Variants in DPP10 observed in about 807,000 individuals in gnomAD.
The protein encoded by DPP10 is inactive dipeptidyl peptidase 10.
In DPP10, 33 loss-of-function variants were observed where a neutral mutation model predicts 120.9. That is an observed-to-expected ratio of 0.27 (90% CI 0.21 to 0.37). The LOEUF (loss-of-function observed/expected upper bound fraction) is 0.37, where lower values mean the gene tolerates loss of function less well. DPP10 is among the 10% of genes least tolerant of loss of function. The pLI, the probability that DPP10 is intolerant of heterozygous loss-of-function variation, is 1.00. For synonymous variants in DPP10, 337 were observed against 326.1 expected (o/e 1.03, Z -0.36); for missense variants, 816 against 942.8 (o/e 0.87, Z 1.76).
At chr2:115,767,783 G>A (rs572784279) in intron 12 of DPP10, among the ~76,000 whole-genome samples, 1 of 151,926 alleles carries the variant, frequency 6.6e-6, no homozygotes, top group African/African-American at 2.4e-5. Flanking sequence ...TTTCAATTTC[G>A]TGGCCTGTCG....
intron 5 of DPP10, among the ~76,000 whole-genome samples, chr2:115,533,709 A>G (rs2078615807): frequency 6.6e-6 from 1 of 152,052 alleles, no homozygotes; most frequent in South Asian, 2.1e-4. Flanking sequence ...TTCAAAAAAT[A>G]CAAACTCAAA....
At chr2:114,997,115 T>A (rs1471503922) in intron 1 of DPP10, among the ~76,000 whole-genome samples, 1 of 151,550 alleles carries the variant, frequency 6.6e-6, no homozygotes, top group African/African-American at 2.4e-5. Flanking sequence ...GTTATTCCAA[T>A]ATAAAAAGGG....
chr2:115,162,097 C>A, intron 1 of DPP10: 2 of 1,502,468 alleles, frequency 1.3e-6, no homozygotes, highest in Admixed American at 4.3e-5. Flanking sequence ...CGCCCGCCTC[C>A]CGCTTCCCAG....
At chr2:115,497,036 C>G (rs1021545221) in intron 3 of DPP10, among the ~76,000 whole-genome samples, 8 of 152,012 alleles carry the variant, frequency 5.3e-5, no homozygotes, top group African/African-American at 1.9e-4. Context: ...GTCTGAAAAT[C>G]ATCTCAGAAG....
intron 5 of DPP10, among the ~76,000 whole-genome samples, chr2:115,585,344 T>C (rs1366375008): frequency 6.6e-6 from 1 of 152,186 alleles, no homozygotes; most frequent in Non-Finnish European, 1.5e-5. Context: ...GATAATGGCA[T>C]GTTGAAGACA....
intron 5 of DPP10, among the ~76,000 whole-genome samples, chr2:115,656,431 C>G (rs1214333090): frequency 6.6e-6 from 1 of 151,416 alleles, no homozygotes; most frequent in Non-Finnish European, 1.5e-5. Flanking sequence ...CAGAATATCA[C>G]TAATGTTTTA....
chr2:115,826,607 G>C (rs111328663), intron 21 of DPP10, among the ~76,000 whole-genome samples: 5,292 of 152,242 alleles, frequency 0.035, 318 homozygotes, highest in African/African-American at 0.12. Context: ...TGTAATCCCA[G>C]CTACTTGGAA....
intron 3 of DPP10, among the ~76,000 whole-genome samples, chr2:115,439,617 G>T (rs1322538969): frequency 2.6e-5 from 4 of 152,154 alleles, no homozygotes; most frequent in African/African-American, 9.7e-5. Context: ...AAGATGGATA[G>T]TAGGTTATTT....
At chr2:115,348,799 CCTTT>C (rs2063842951) in intron 3 of DPP10, among the ~76,000 whole-genome samples, 1 of 152,084 alleles carries the variant, frequency 6.6e-6, no homozygotes, top group Admixed American at 6.6e-5. Context: ...GCTAGTGTGT[CCTTT>C]ACTCACCCCA....
At chr2:115,283,036 T>C (rs1049639066) in intron 1 of DPP10, among the ~76,000 whole-genome samples, 3 of 152,076 alleles carry the variant, frequency 2.0e-5, no homozygotes, top group Non-Finnish European at 4.4e-5. Flanking sequence ...ATTCCATTTA[T>C]GTATCATTCT....
chr2:115,637,975 G>A (rs936019396), intron 5 of DPP10, among the ~76,000 whole-genome samples: 3 of 152,214 alleles, frequency 2.0e-5, no homozygotes, highest in African/African-American at 4.8e-5. Flanking sequence ...TAGAAGAAGA[G>A]CCAGAGATCT....
chr2:115,040,005 A>AC (rs1007506135), intron 1 of DPP10, among the ~76,000 whole-genome samples: 1 of 152,268 alleles, frequency 6.6e-6, no homozygotes, highest in Non-Finnish European at 1.5e-5. Context: ...TCAAAAACAA[A>AC]CCACTGGGAA....
chr2:115,315,327 A>G (rs1208144936), intron 2 of DPP10, among the ~76,000 whole-genome samples: 1 of 151,990 alleles, frequency 6.6e-6, no homozygotes, highest in African/African-American at 2.4e-5. Flanking sequence ...TTTCCTAGAA[A>G]GCATTTAATA....
At chr2:114,681,821 A>G (rs1699047778) in intron 1 of DPP10, among the ~76,000 whole-genome samples, 1 of 151,998 alleles carries the variant, frequency 6.6e-6, no homozygotes, top group Admixed American at 6.6e-5. Context: ...TTAATTTGCT[A>G]TATTTTATGT....
chr2:114,557,439 G>T (rs1171260980), intron 1 of DPP10, among the ~76,000 whole-genome samples: 2 of 152,202 alleles, frequency 1.3e-5, no homozygotes, highest in Non-Finnish European at 2.9e-5. Context: ...TGAAAGAGAA[G>T]TGGAGACCAA....
intron 1 of DPP10, among the ~76,000 whole-genome samples, chr2:115,206,037 A>G (rs575103956): frequency 2.8e-4 from 42 of 152,164 alleles, no homozygotes; most frequent in Non-Finnish European, 5.6e-4. Context: ...AAAAGTTGAA[A>G]CTAAAAATGA....
intron 1 of DPP10, among the ~76,000 whole-genome samples, chr2:114,873,216 C>G (rs1690841368): frequency 6.6e-6 from 1 of 152,058 alleles, no homozygotes; most frequent in African/African-American, 2.4e-5. Context: ...TTGTTGTTAA[C>G]TTTTAGGAGA....
At chr2:115,062,545 C>T (rs1573473165) in intron 1 of DPP10, among the ~76,000 whole-genome samples, 1 of 152,100 alleles carries the variant, frequency 6.6e-6, no homozygotes. Flanking sequence ...GCACACTGCT[C>T]CCACCCCTCA....
chr2:114,531,780 T>C (rs1686011978), intron 1 of DPP10, among the ~76,000 whole-genome samples: 2 of 152,038 alleles, frequency 1.3e-5, no homozygotes, highest in Admixed American at 6.5e-5. Flanking sequence ...TTGCTTATTG[T>C]TACTTGTACA....
Sources: gnomAD v4.1 joint callset for allele counts (sites outside exome capture counted in the v4.1 genomes callset) on GRCh38, gnomAD v4.1.1 for gene constraint, MANE v1.5 for transcripts, NCBI Gene and HGNC (gene_info 2026-07-23, HGNC 2026-07-21) for gene names.